The following CAMK4 variants were observed in gnomAD, a reference collection of about 807,000 sequenced individuals.
CAMK4 encodes calcium/calmodulin-dependent protein kinase type IV.
A neutral mutation model predicts 44.9 loss-of-function variants in CAMK4; 22 were observed. The ratio of observed to expected loss-of-function variants is 0.49; its 90% confidence interval spans 0.35 to 0.70. The LOEUF is 0.70. Ranked by LOEUF, CAMK4 falls within the 30% of genes least tolerant of loss-of-function variation. The pLI is 0.01. For missense variants in CAMK4, 498 were observed against 586.8 expected (o/e 0.85, Z 1.56); for synonymous variants, 218 against 215.4 (o/e 1.01, Z -0.11).
chr5:111,236,825 C>A (rs369913616), intron 1 of CAMK4, among the ~76,000 whole-genome samples: 12 of 152,298 alleles, frequency 7.9e-5, no homozygotes, highest in African/African-American at 2.6e-4. Flanking sequence ...ATATCTTATC[C>A]CTCTTTTATT....
intron 2 of CAMK4, among the ~76,000 whole-genome samples, chr5:111,347,905 T>C (rs145218936): frequency 6.6e-6 from 1 of 152,170 alleles, no homozygotes; most frequent in East Asian, 1.9e-4. Context: ...CCATTCAATA[T>C]TTTATTTGAA....
chr5:111,446,563 T>C lies in CAMK4; in HGVS notation c.460-123T>C, dbSNP rs555286306. 44 of 588,446 alleles carry C rather than the reference T, an allele frequency of 7.5e-5. 1 individual carries two copies. The highest frequency in any genetic ancestry group is 3.6e-4 in the South Asian group (15 of 41,368). The allele number at this position is 588,446 out of a possible 1,614,324, so 36.5% of individuals were successfully genotyped here. On this transcript the variant is annotated intron_variant, in intron 5 of 10. Coordinates refer to ENST00000282356, the MANE Select transcript of CAMK4 (RefSeq NM_001744.6). Reference sequence around the variant, plus strand: ...AACAGATTTTCCTTTATGGTACTTATTGTTAAGTCATACTATGTGTGTTCT... The same window carrying C: ...AACAGATTTTCCTTTATGGTACTTACTGTTAAGTCATACTATGTGTGTTCT...
chr5:111,299,888 T>C (rs1166138765), intron 1 of CAMK4, among the ~76,000 whole-genome samples: 1 of 152,234 alleles, frequency 6.6e-6, no homozygotes, highest in East Asian at 1.9e-4. Context: ...TCGGTGTTTC[T>C]TTGTGGTTGC....
At chr5:111,249,943 C>T (rs1749417330) in intron 1 of CAMK4, among the ~76,000 whole-genome samples, 2 of 151,864 alleles carry the variant, frequency 1.3e-5, no homozygotes, top group Admixed American at 1.3e-4. Flanking sequence ...ATTTTTACTG[C>T]CCTCAATTCT....
At chr5:111,350,620 A>G (rs1310918286) in intron 2 of CAMK4, among the ~76,000 whole-genome samples, 1 of 152,020 alleles carries the variant, frequency 6.6e-6, no homozygotes, top group African/African-American at 2.4e-5. Flanking sequence ...GCCTAGATCT[A>G]CAATAGAAAA....
intron 1 of CAMK4, among the ~76,000 whole-genome samples, chr5:111,308,573 G>A (rs1748046522): frequency 6.6e-6 from 1 of 152,138 alleles, no homozygotes; most frequent in Non-Finnish European, 1.5e-5. Context: ...CCTTTTTGGA[G>A]ATCAATCCAA....
At chr5:111,271,759 A>G (rs1213723874) in intron 1 of CAMK4, among the ~76,000 whole-genome samples, 1 of 152,224 alleles carries the variant, frequency 6.6e-6, no homozygotes, top group East Asian at 1.9e-4. Context: ...TTGGTTTTTT[A>G]CCTTGTCTTA....
At chr5:111,226,271 GA>G (rs1411010081) in intron 1 of CAMK4, among the ~76,000 whole-genome samples, 2 of 152,096 alleles carry the variant, frequency 1.3e-5, no homozygotes, top group Non-Finnish European at 2.9e-5. Flanking sequence ...TGAAAAATGG[GA>G]AAAAAATAAA....
chr5:111,260,878 A>G (rs1749943952), intron 1 of CAMK4, among the ~76,000 whole-genome samples: 1 of 152,166 alleles, frequency 6.6e-6, no homozygotes, highest in Non-Finnish European at 1.5e-5. Context: ...TCATCTCCTT[A>G]ACATTCATCC....
intron 5 of CAMK4, among the ~76,000 whole-genome samples, chr5:111,439,816 C>T (rs1753764894): frequency 6.6e-6 from 1 of 152,128 alleles, no homozygotes; most frequent in Non-Finnish European, 1.5e-5. Context: ...GCTGAAAGAA[C>T]AGAGGAGTCA....
chr5:111,449,869 A>G (rs1162323744), intron 7 of CAMK4: 2 of 152,286 alleles, frequency 1.3e-5, no homozygotes, highest in East Asian at 1.9e-4. Flanking sequence ...TTGAAAGCCA[A>G]TAAAGTTTGT....
intron 5 of CAMK4, among the ~76,000 whole-genome samples, chr5:111,424,776 A>C (rs1219256168): frequency 1.3e-5 from 2 of 151,774 alleles, no homozygotes; most frequent in Non-Finnish European, 2.9e-5. Flanking sequence ...GTTCAGGAGT[A>C]GGTGGGAATA....
chr5:111,403,496 T>C (rs1752305431), intron 5 of CAMK4, among the ~76,000 whole-genome samples: 1 of 152,084 alleles, frequency 6.6e-6, no homozygotes, highest in Non-Finnish European at 1.5e-5. Context: ...GTTTTAAGAG[T>C]TGAAGCACTA....
At chr5:111,429,593 C>G (rs187583685) in intron 5 of CAMK4, among the ~76,000 whole-genome samples, 40 of 151,260 alleles carry the variant, frequency 2.6e-4, no homozygotes, top group African/African-American at 9.5e-4. Context: ...GGCAACATGG[C>G]GAAACCCGAT....
chr5:111,397,632 A>C (rs1271439887), intron 5 of CAMK4, among the ~76,000 whole-genome samples: 1 of 150,152 alleles, frequency 6.7e-6, no homozygotes, highest in Non-Finnish European at 1.5e-5. Context: ...AACAGGTAAT[A>C]TCCTCAAGTC....
intron 1 of CAMK4, among the ~76,000 whole-genome samples, chr5:111,330,542 A>C (rs776001644): frequency 2.0e-5 from 3 of 151,596 alleles, no homozygotes; most frequent in Non-Finnish European, 3.0e-5. Context: ...AATTGATTCT[A>C]AGTGTTACAA....
intron 5 of CAMK4, among the ~76,000 whole-genome samples, chr5:111,420,768 T>C (rs1237333383): frequency 6.6e-6 from 1 of 152,216 alleles, no homozygotes; most frequent in African/African-American, 2.4e-5. Context: ...AAGAGAAATA[T>C]GGCTCTGTTC....
At chr5:111,464,720 G>A (rs1232555840) in intron 7 of CAMK4, among the ~76,000 whole-genome samples, 1 of 152,214 alleles carries the variant, frequency 6.6e-6, no homozygotes, top group Non-Finnish European at 1.5e-5. Flanking sequence ...ACAATCTCTT[G>A]AGATTTGATT....
rs75310824 is a variant in CAMK4, at chr5:111,298,862, C to G, written c.162-45162C>G. Among the ~76,000 whole-genome samples, 91 of 152,354 alleles carry G rather than the reference C, an allele frequency of 6.0e-4. No homozygotes were observed. The East Asian group carries it at 0.011, about 18-fold the overall frequency. On this transcript the variant is annotated intron_variant, in intron 1 of 10. Coordinates refer to ENST00000282356, the MANE Select transcript of CAMK4 (RefSeq NM_001744.6). Reference sequence around the variant, plus strand: ...AGGAACACAATGTTGTACCTTTATCCCTGACAATTGGCAGAACATAACAGC... The same window carrying G: ...AGGAACACAATGTTGTACCTTTATCGCTGACAATTGGCAGAACATAACAGC...
Sources: allele counts gnomAD v4.1 joint callset (sites outside exome capture counted in the v4.1 genomes callset), GRCh38; gene constraint gnomAD v4.1.1; transcripts MANE v1.5; gene names NCBI Gene and HGNC (gene_info 2026-07-23, HGNC 2026-07-21).